PHACTR2: variants seen among roughly 807,000 people sequenced by gnomAD.
The protein encoded by PHACTR2 is chromosome 6 open reading frame 56.
Under a neutral mutation model 76.0 loss-of-function variants are expected in PHACTR2, and 30 were observed. The observed-to-expected ratio is 0.39, with a 90% confidence interval of 0.30 to 0.54. The LOEUF (loss-of-function observed/expected upper bound fraction) is 0.54. Among genes scored for constraint, PHACTR2 ranks in the 20% least tolerant of loss-of-function variants. The probability of loss-of-function intolerance (pLI) is 0.61; values close to 1 mark genes in which losing one functional copy is unlikely to be tolerated. For synonymous variants in PHACTR2, 292 were observed against 292.5 expected (o/e 1.00, Z 0.02); for missense variants, 696 against 781.1 (o/e 0.89, Z 1.30).
Position 143,696,189 on chromosome 6 carries a change from G to A in PHACTR2, c.47-15827G>A, listed in dbSNP as rs1777765679. On this transcript the variant is annotated intron_variant, in intron 1 of 12. Transcript: ENST00000440869. This position sits in a 1 kb window ranked among gnomAD's most constrained non-coding sequence, Gnocchi z 4.1. Reference sequence around the variant, plus strand: ...GCTTAGTTTCTTTCCTTAATCCAGGGCATTTCTGCTATAGAGTAGTGGGGA... The same window carrying A: ...GCTTAGTTTCTTTCCTTAATCCAGGACATTTCTGCTATAGAGTAGTGGGGA... Among the ~76,000 whole-genome samples the A allele has an allele frequency of 6.6e-6, 1 of 152,066 alleles. No individual in the cohort carries two copies. Among genetic ancestry groups the A allele is most frequent in the Admixed American group, 6.6e-5 (1 of 15,254 alleles).
intron 1 of PHACTR2, among the ~76,000 whole-genome samples, chr6:143,643,154 G>T (rs1776596753): frequency 6.6e-6 from 1 of 152,086 alleles, no homozygotes; most frequent in Non-Finnish European, 1.5e-5. Flanking sequence ...GACATCATTG[G>T]TGAGGCTATT....
At position 143,747,838 on chromosome 6, in the gene PHACTR2, C is replaced by T. The variant is rs76157782; in HGVS notation, c.215-1147C>T. Among the ~76,000 whole-genome samples the T allele has an allele frequency of 5.9e-3, 902 of 152,236 alleles. 12 individuals are homozygous for T. The highest frequency in any genetic ancestry group is 0.02 in the African/African-American group (846 of 41,522). ...ATGACATGACCACATGTTAATTTTACGCACCTTCTTGGCCCCTGAAAGTGA... is the reference window on the plus strand; with the variant it reads ...ATGACATGACCACATGTTAATTTTATGCACCTTCTTGGCCCCTGAAAGTGA... On this transcript the variant is annotated intron_variant, in intron 2 of 12. Transcript: ENST00000440869.
At chr6:143,629,374 G>A (rs1776321292) in intron 1 of PHACTR2, among the ~76,000 whole-genome samples, 1 of 152,044 alleles carries the variant, frequency 6.6e-6, no homozygotes, top group Non-Finnish European at 1.5e-5. Context: ...TGAAGTTTCA[G>A]CATTTGAATT....
In PHACTR2 at chr6:143,554,856, T is replaced by C. The variant is rs1775149679; in HGVS notation, c.217+17649T>C. 1 of 152,230 alleles carries C rather than the reference T, an allele frequency of 6.6e-6. No individual in the cohort carries two copies. The highest frequency in any genetic ancestry group is 2.1e-4 in the South Asian group (1 of 4,822). 9.4% of individuals were successfully genotyped at this position (152,230 alleles called of 1,614,324 possible). On this transcript the variant is annotated intron_variant, in intron 1 of 11. Transcript: ENST00000367584. This position sits in a 1 kb window ranked among gnomAD's most constrained non-coding sequence, Gnocchi z 5.9. ...CCATTTGCATTTTCTTTCTCTGTGG[T>C]CTTCCCAGTACATATCCTTTGCCCT...
Position 143,578,708 on chromosome 6 carries a change from C to A in PHACTR2, c.217+41501C>A, listed in dbSNP as rs9403512. The stretch of plus-strand genomic sequence containing the variant: ...TGAGTGCAGAAGAGGAGGATGAAGA[C>A]GATTATAACAATGGAGAGGTAGATG... On this transcript the variant is annotated intron_variant, in intron 1 of 11. Coordinates refer to the PHACTR2 transcript ENST00000367584. This position sits in a 1 kb window ranked among gnomAD's most constrained non-coding sequence, Gnocchi z 4.5. Among the ~76,000 whole-genome samples the A allele has an allele frequency of 1.5e-4, 23 of 151,234 alleles. No individual in the cohort carries two copies. The highest frequency in any genetic ancestry group is 5.1e-4 in the African/African-American group (21 of 41,146).
chr6:143,567,538 A>G (rs1429608812), intron 1 of PHACTR2, among the ~76,000 whole-genome samples: 1 of 152,174 alleles, frequency 6.6e-6, no homozygotes, highest in Non-Finnish European at 1.5e-5. Context: ...AGCTGGAACT[A>G]CAGGCACACG....
At position 143,757,034 on chromosome 6, in the gene PHACTR2, C is replaced by G. The variant is rs147221963; in HGVS notation, c.454+3122C>G. Reference sequence around the variant, plus strand: ...ATTGCACTCCAGCCTGGGTGACAGCCAGTCTCAAAAAAAGAAAATAATAAT... The same window carrying G: ...ATTGCACTCCAGCCTGGGTGACAGCGAGTCTCAAAAAAAGAAAATAATAAT... On this transcript the variant is annotated intron_variant, in intron 4 of 12. Coordinates refer to ENST00000440869, the MANE Select transcript of PHACTR2 (RefSeq NM_001100164.2). This position sits in a 1 kb window ranked among gnomAD's most constrained non-coding sequence, Gnocchi z 4.2. 6.6e-3 allele frequency among the ~76,000 whole-genome samples: 998 copies of G among 151,892 alleles called. 11 individuals are homozygous for G. Among genetic ancestry groups the G allele is most frequent in the African/African-American group, 0.021 (881 of 41,462 alleles).
chr6:143,594,437 C>T (rs1044251327), intron 1 of PHACTR2, among the ~76,000 whole-genome samples: 1 of 152,192 alleles, frequency 6.6e-6, no homozygotes, highest in African/African-American at 2.4e-5. Context: ...CAGTGAGTGT[C>T]AGTGGAATGA....
chr6:143,729,983 A>T (rs1001730630), intron 2 of PHACTR2, among the ~76,000 whole-genome samples: 3 of 152,122 alleles, frequency 2.0e-5, no homozygotes, highest in African/African-American at 7.2e-5. Flanking sequence ...GGCAACATAT[A>T]TGTGGTCTAT....
rs1450676607 is a variant in PHACTR2, at chr6:143,818,047, T to A, written c.1923-5627T>A. Among the ~76,000 whole-genome samples the A allele has an allele frequency of 6.6e-6, 1 of 152,248 alleles. No individual in the cohort carries two copies. Among genetic ancestry groups the A allele is most frequent in the Non-Finnish European group, 1.5e-5 (1 of 68,032 alleles). On this transcript the variant is annotated intron_variant, in intron 12 of 12. Coordinates refer to ENST00000440869, the MANE Select transcript of PHACTR2 (RefSeq NM_001100164.2). This position sits in a 1 kb window ranked among gnomAD's most constrained non-coding sequence, Gnocchi z 4.9. The stretch of plus-strand genomic sequence containing the variant: ...ATGTGTAGGATGATTGATTTGCTAG[T>A]TTGATCATTACACATTTTATGCCAT...
chr6:143,674,878 A>G (rs958799427), upstream of PHACTR2, among the ~76,000 whole-genome samples: 11 of 152,200 alleles, frequency 7.2e-5, no homozygotes, highest in Non-Finnish European at 1.5e-5. This position sits in a 1 kb window ranked among gnomAD's most constrained non-coding sequence, Gnocchi z 4.9. Context: ...ACCAAGTTGT[A>G]TGTCTGCCAT....
intron 1 of PHACTR2, among the ~76,000 whole-genome samples, chr6:143,575,122 G>T (rs1775490375): frequency 1.2e-5 from 1 of 81,042 alleles, no homozygotes; most frequent in Non-Finnish European, 3.1e-5. Flanking sequence ...AACATTTTCA[G>T]CCAGTTATTT....
At chr6:143,769,544 A>C (rs1163616440) in intron 6 of PHACTR2, among the ~76,000 whole-genome samples, 3 of 152,154 alleles carry the variant, frequency 2.0e-5, no homozygotes, top group African/African-American at 7.2e-5. Flanking sequence ...TTGGTTAGGC[A>C]ACTCACTCAT....
intron 1 of PHACTR2, among the ~76,000 whole-genome samples, chr6:143,702,978 T>A (rs1269110535): frequency 6.6e-6 from 1 of 150,808 alleles, no homozygotes; most frequent in Non-Finnish European, 1.5e-5. Flanking sequence ...ATACAAAAGA[T>A]TATATTGTGT....
chr6:143,575,968 C>T (rs541665557), intron 1 of PHACTR2, among the ~76,000 whole-genome samples: 1 of 152,200 alleles, frequency 6.6e-6, no homozygotes, highest in South Asian at 2.1e-4. Flanking sequence ...TGTTTTCAGC[C>T]AATAGAGCAT....
chr6:143,721,975 GTTC>G (rs1467405635), intron 2 of PHACTR2, among the ~76,000 whole-genome samples: 1 of 152,130 alleles, frequency 6.6e-6, no homozygotes, highest in African/African-American at 2.4e-5. Flanking sequence ...TTTTCCAAAA[GTTC>G]TTATTATTTC....
At position 143,595,231 on chromosome 6, in the gene PHACTR2, T is replaced by C. The variant is rs1775735247; in HGVS notation, c.217+58024T>C. ...GATGGGCACTAAAATATATATGAAC[T>C]AAGTTAAGTATGTCAAATGACACAC... On this transcript the variant is annotated intron_variant, in intron 1 of 11. Transcript: ENST00000367584. The surrounding 1 kb of genome is among the most constrained non-coding windows in gnomAD (Gnocchi z 4.2). 1.3e-5 allele frequency among the ~76,000 whole-genome samples: 2 copies of C among 152,214 alleles called. No homozygotes were observed. The highest frequency in any genetic ancestry group is 2.9e-5 in the Non-Finnish European group (2 of 68,028).
Position 143,757,198 on chromosome 6 carries a change from A to G in PHACTR2, c.455-3203A>G, listed in dbSNP as rs1779321141. On this transcript the variant is annotated intron_variant, in intron 4 of 12. Transcript: ENST00000440869. The surrounding 1 kb of genome is among the most constrained non-coding windows in gnomAD (Gnocchi z 4.2). ...GTTCCACAAATAATGAAAGTCTACC[A>G]TAGGTGAGACTCTACTAGGGGCCAG... is the stretch of plus-strand genomic sequence containing the variant. Among the ~76,000 whole-genome samples, 1 of 152,252 alleles carries G rather than the reference A, an allele frequency of 6.6e-6. No individual in the cohort carries two copies. The highest frequency in any genetic ancestry group is 1.5e-5 in the Non-Finnish European group (1 of 68,044).
Position 143,760,738 on chromosome 6 carries a change from CT to C in PHACTR2, c.694+100del. On this transcript the variant is annotated intron_variant, in intron 5 of 12. Coordinates refer to ENST00000440869, the MANE Select transcript of PHACTR2 (RefSeq NM_001100164.2). This position sits in a 1 kb window ranked among gnomAD's most constrained non-coding sequence, Gnocchi z 6.4. ...TCTAGGTGTGATGGGCTTTTGGTGT[CT>C]TAGGACATTACACCAGCAGGTTCAG... 7.3e-7 allele frequency: 1 copy of C among 1,361,812 alleles called. No individual in the cohort carries two copies. Among genetic ancestry groups the C allele is most frequent in the South Asian group, 1.4e-5 (1 of 70,866 alleles). The allele number at this position is 1,361,812 out of a possible 1,614,324, so 84.4% of individuals were successfully genotyped here. A position where few individuals can be genotyped will look rare whatever the true frequency, so the allele number is the denominator to read the frequency against.
Sources: allele counts gnomAD v4.1 joint callset (sites outside exome capture counted in the v4.1 genomes callset), GRCh38; gene constraint gnomAD v4.1.1; non-coding constraint Gnocchi (gnomAD v3.1); transcripts MANE v1.5; gene names NCBI Gene and HGNC (gene_info 2026-07-23, HGNC 2026-07-21).